Variants in CNOT6 observed in about 807,000 individuals in gnomAD.
CNOT6 encodes CCR4-NOT transcription complex subunit 6, also known as carbon catabolite repression 4 protein.
CNOT6 carries 12 observed loss-of-function variants against 61.2 expected under a neutral mutation model. The observed-to-expected ratio is 0.20, with a 90% confidence interval of 0.13 to 0.32. The LOEUF (loss-of-function observed/expected upper bound fraction) is 0.32. Among genes scored for constraint, CNOT6 ranks in the 10% least tolerant of loss-of-function variants. The probability of loss-of-function intolerance (pLI) is 1.00; values close to 1 mark genes in which losing one functional copy is unlikely to be tolerated. For synonymous variants in CNOT6, 225 were observed against 240.6 expected, an observed-to-expected ratio of 0.94 and a Z score of 0.60; for missense variants, 405 against 663.9, an observed-to-expected ratio of 0.61 and a Z score of 4.28.
intron 2 of CNOT6, among the ~76,000 whole-genome samples, chr5:180,541,163 G>C (rs1347568420): frequency 6.7e-6 from 1 of 149,916 alleles, no homozygotes; most frequent in African/African-American, 2.5e-5. Context: ...TTTTAAGATG[G>C]AGTCTTACTC....
At chr5:180,533,342 A>C (rs1468474903) in intron 2 of CNOT6, among the ~76,000 whole-genome samples, 6 of 113,366 alleles carry the variant, frequency 5.3e-5, no homozygotes, top group African/African-American at 1.9e-4. Context: ...ATATATATAT[A>C]TCACCGTAAT....
At chr5:180,569,371 AT>A (rs762660575) in intron 10 of CNOT6, 31 bp downstream of exon 10, 19 of 1,442,484 alleles carry the variant, frequency 1.3e-5, no homozygotes, top group Non-Finnish European at 1.6e-5. Context: ...TATGTAGAAT[AT>A]TTTTTGACAT....
At chr5:180,497,608 A>G (rs1756671906) in intron 1 of CNOT6, among the ~76,000 whole-genome samples, 1 of 152,194 alleles carries the variant, frequency 6.6e-6, no homozygotes. Flanking sequence ...TTACTTTGGA[A>G]AAGTCCTAAT....
chr5:180,554,269 T>C (rs1481650367), intron 4 of CNOT6, among the ~76,000 whole-genome samples: 1 of 152,058 alleles, frequency 6.6e-6, no homozygotes, highest in Non-Finnish European at 1.5e-5. Flanking sequence ...AATACAAAAG[T>C]CAGCTTGGCA....
intron 4 of CNOT6, among the ~76,000 whole-genome samples, chr5:180,554,088 C>G (rs1037071815): frequency 2.6e-5 from 4 of 152,172 alleles, no homozygotes; most frequent in Non-Finnish European, 5.9e-5. Context: ...TGTACAGTTG[C>G]TTCTTCAAAA....
chr5:180,549,416 A>G (rs144397723), intron 2 of CNOT6, among the ~76,000 whole-genome samples: 184 of 152,260 alleles, frequency 1.2e-3, no homozygotes, highest in South Asian at 2.7e-3. Context: ...TTTGGAGGCC[A>G]AGGCGGGCAG....
rs149740209 is a variant in CNOT6 at position 180,553,847 on chromosome 5, T to C, written c.385+376T>C. ...TACAGAAAACAGGAAGTCGAAAATG[T>C]TGACCATTTGAACCTGCTGATGATC... On this transcript the variant is annotated intron_variant, in intron 4 of 11. Transcript: ENST00000261951. Among the ~76,000 whole-genome samples the C allele has an allele frequency of 1.7e-3, 263 of 152,342 alleles. 6 individuals carry two copies. In the East Asian group the frequency reaches 0.043, roughly 25 times the overall value.
intron 1 of CNOT6, among the ~76,000 whole-genome samples, chr5:180,519,156 G>C (rs992605431): frequency 1.3e-5 from 2 of 152,230 alleles, no homozygotes; most frequent in Non-Finnish European, 2.9e-5. Flanking sequence ...GGGGTAAGAG[G>C]AAACTTTTAA....
chr5:180,536,000 T>G lies in CNOT6; in HGVS notation c.112+6612T>G, dbSNP rs1232802388. ...CCCACTTATTAGGGTTTTTTTTTTT[T>G]TTTTTTTTTTTTTTTTTGACAGTCT... On this transcript the variant is annotated intron_variant, in intron 2 of 11. Coordinates refer to ENST00000261951, the MANE Select transcript of CNOT6 (RefSeq NM_001370472.1). Among the ~76,000 whole-genome samples the G allele has an allele frequency of 2.0e-3, 250 of 122,192 alleles. 1 individual carries two copies. The highest frequency in any genetic ancestry group is 7.4e-3 in the African/African-American group (239 of 32,152). 80.2% of individuals were successfully genotyped at this position (122,192 alleles called of 152,430 possible).
chr5:180,553,288 C>T (rs973234029), intron 3 of CNOT6, 98 bp from the exon 4 acceptor site: 45 of 642,468 alleles, frequency 7.0e-5, no homozygotes, highest in Admixed American at 4.3e-4. Flanking sequence ...AACATTTTTT[C>T]ATTCTTAGGT....
chr5:180,544,118 T>C (rs977854067), intron 2 of CNOT6, among the ~76,000 whole-genome samples: 9 of 152,362 alleles, frequency 5.9e-5, no homozygotes, highest in African/African-American at 2.2e-4. Context: ...GCCATGACTT[T>C]GTTTTTTAAG....
rs56899929 is a variant in CNOT6 at position 180,510,134 on chromosome 5, C to CTTTTTTTTTTTTTTTTTT, written c.-3+15389_-3+15406dup. On this transcript the variant is annotated intron_variant, in intron 1 of 11. Transcript: ENST00000261951. ...TAAATGAGGTTTATCGTCTGTAAAC[C>CTTTTTTTTTTTTTTTTTT]TTTTTTTTTTTTTTTTTTTTTTTTT... 1.1e-4 allele frequency among the ~76,000 whole-genome samples: 4 copies of CTTTTTTTTTTTTTTTTTT among 37,368 alleles called. 1 individual carries two copies. The highest frequency in any genetic ancestry group is 5.5e-4 in the Admixed American group (1 of 1,814). The allele number at this position is 37,368 out of a possible 152,430, so 24.5% of individuals were successfully genotyped here. A position where few individuals can be genotyped will look rare whatever the true frequency, so the allele number is the denominator to read the frequency against.
rs1303744399 is a variant in CNOT6 at position 180,576,119 on chromosome 5, A to G, written c.*1919A>G. On this transcript the variant is annotated 3_prime_UTR_variant, in exon 12 of 12. Coordinates refer to ENST00000261951, the MANE Select transcript of CNOT6 (RefSeq NM_001370472.1). ...GCTGGTATTGATGTAGAACCAGTGCATAACTTTTTATGGGGTTTTGTTATT... is the reference window on the plus strand; with the variant it reads ...GCTGGTATTGATGTAGAACCAGTGCGTAACTTTTTATGGGGTTTTGTTATT... 7 of 152,530 alleles carry G rather than the reference A, an allele frequency of 4.6e-5. No individual in the cohort carries two copies. The highest frequency in any genetic ancestry group is 9.7e-5 in the African/African-American group (4 of 41,394). The allele number at this position is 152,530 out of a possible 1,614,324, so 9.4% of individuals were successfully genotyped here.
chr5:180,551,018 T>C (rs1433360264), intron 3 of CNOT6, among the ~76,000 whole-genome samples: 1 of 152,104 alleles, frequency 6.6e-6, no homozygotes, highest in Non-Finnish European at 1.5e-5. Context: ...AAAACACTAG[T>C]ACCTTGCCTG....
intron 4 of CNOT6, among the ~76,000 whole-genome samples, chr5:180,557,367 T>G (rs1759951570): frequency 1.2e-5 from 1 of 83,908 alleles, no homozygotes; most frequent in African/African-American, 3.5e-5. Flanking sequence ...GTAAAGTGAT[T>G]CACTTTCTCT....
chr5:180,567,071 T>C lies in CNOT6; in HGVS notation c.718-17T>C. The C allele has an allele frequency of 6.3e-7, 1 of 1,590,794 alleles. No homozygotes were observed. Among genetic ancestry groups the C allele is most frequent in the South Asian group, 1.2e-5 (1 of 86,428 alleles). ...TTTTTGTCTTATGAAATAACTGTGC[T>C]GTTTACAACTTTTCAGGAGGTTGAA... On this transcript the variant is annotated splice_polypyrimidine_tract_variant and intron_variant, in intron 7 of 11. Transcript: ENST00000261951.
intron 2 of CNOT6, among the ~76,000 whole-genome samples, chr5:180,548,360 C>T (rs1006341156): frequency 7.9e-5 from 12 of 152,156 alleles, no homozygotes; most frequent in African/African-American, 2.9e-4. Context: ...CCCTCTGGCT[C>T]AGGTAGTTTC....
chr5:180,552,938 C>T (rs1487375471), intron 3 of CNOT6, among the ~76,000 whole-genome samples: 1 of 150,360 alleles, frequency 6.7e-6, no homozygotes, highest in African/African-American at 2.5e-5. Flanking sequence ...CATTTTAGTT[C>T]TCTTTTAAGA....
In CNOT6 at chr5:180,536,749, T is replaced by C. The variant is rs1488984290; in HGVS notation, c.112+7361T>C. Among the ~76,000 whole-genome samples the C allele has an allele frequency of 2.0e-5, 3 of 152,338 alleles. No individual in the cohort carries two copies. The East Asian group carries it at 5.8e-4, about 29-fold the overall frequency. On this transcript the variant is annotated intron_variant, in intron 2 of 11. Transcript: ENST00000261951. ...CCTCAGCCCCTCAAGTAGCTGGGAC[T>C]ACAGTGCATGCCACCATGCCCAGCT...
Sources: gnomAD v4.1 joint callset for allele counts (sites outside exome capture counted in the v4.1 genomes callset) on GRCh38, gnomAD v4.1.1 for gene constraint, MANE v1.5 for transcripts, NCBI Gene and HGNC (gene_info 2026-07-23, HGNC 2026-07-21) for gene names.